AIG1: variants seen among roughly 807,000 people sequenced by gnomAD.
AIG1 encodes the protein androgen induced 1, also known as androgen-induced gene 1 protein.
In AIG1, 23 loss-of-function variants were observed where a neutral mutation model predicts 31.4. The observed-to-expected ratio is 0.73, with a 90% CI of 0.53 to 1.04. The LOEUF (loss-of-function observed/expected upper bound fraction) is 1.04, where lower values mean the gene tolerates loss of function less well. AIG1 is among the 50% of genes least tolerant of loss of function. The pLI, the probability that AIG1 is intolerant of heterozygous loss-of-function variation, is 0.00. For missense variants in AIG1, 274 were observed against 295.0 expected, an observed-to-expected ratio of 0.93 and a Z score of 0.52; for synonymous variants, 100 against 110.5, an observed-to-expected ratio of 0.90 and a Z score of 0.60.
intron 1 of AIG1, among the ~76,000 whole-genome samples, chr6:143,087,592 G>A (rs958749009): frequency 2.6e-5 from 4 of 152,192 alleles, no homozygotes; most frequent in East Asian, 3.9e-4. Context: ...GGTGGACAGC[G>A]AGCGAAAGCT....
At chr6:143,118,417 C>T (rs920875980) in intron 1 of AIG1, among the ~76,000 whole-genome samples, 8 of 151,436 alleles carry the variant, frequency 5.3e-5, no homozygotes, top group Non-Finnish European at 1.0e-4. Context: ...TGAGATCGTG[C>T]CACTGCACTC....
chr6:143,156,030 G>A (rs1785711803), intron 2 of AIG1, among the ~76,000 whole-genome samples: 1 of 152,190 alleles, frequency 6.6e-6, no homozygotes, highest in Admixed American at 6.5e-5. Context: ...GGGGTGAAGG[G>A]AGTGGTACTG....
intron 1 of AIG1, among the ~76,000 whole-genome samples, chr6:143,083,910 T>C (rs1406901592): frequency 3.3e-5 from 5 of 152,178 alleles, no homozygotes; most frequent in African/African-American, 1.2e-4. Flanking sequence ...GCCCCTGCTT[T>C]TGCTAGAATG....
At position 143,280,514 on chromosome 6, in the gene AIG1, C is replaced by T. The variant is rs368568551; in HGVS notation, c.400-3596C>T. 1.6e-4 allele frequency among the ~76,000 whole-genome samples: 24 copies of T among 152,278 alleles called. 1 individual carries two copies. The highest frequency in any genetic ancestry group is 5.8e-4 in the African/African-American group (24 of 41,562). On this transcript the variant is annotated intron_variant, in intron 3 of 5. Coordinates refer to ENST00000357847, the MANE Select transcript of AIG1 (RefSeq NM_016108.4). The surrounding 1 kb of genome is among the most constrained non-coding windows in gnomAD (Gnocchi z 4.1). ...AGATTGGATAAGGAAAATGTGGTACCTGTACACCACAGAATACTATGCAGC... is the reference window on the plus strand; with the variant it reads ...AGATTGGATAAGGAAAATGTGGTACTTGTACACCACAGAATACTATGCAGC...
chr6:143,251,253 T>C (rs1314047212), intron 3 of AIG1, among the ~76,000 whole-genome samples: 6 of 152,144 alleles, frequency 3.9e-5, no homozygotes, highest in Non-Finnish European at 8.8e-5. Flanking sequence ...GGTTTCTCCA[T>C]GTTGGCCAGG....
intron 3 of AIG1, among the ~76,000 whole-genome samples, chr6:143,212,402 G>A (rs1467964479): frequency 6.6e-6 from 1 of 152,152 alleles, no homozygotes; most frequent in African/African-American, 2.4e-5. Flanking sequence ...GGATGGGAAG[G>A]AGCACACAAT....
chr6:143,300,511 T>C (rs1410996323), intron 4 of AIG1, among the ~76,000 whole-genome samples: 1 of 152,150 alleles, frequency 6.6e-6, no homozygotes, highest in African/African-American at 2.4e-5. Context: ...AATCTAGCAT[T>C]AGAGATAACC....
chr6:143,100,996 A>G (rs377612622), intron 1 of AIG1, among the ~76,000 whole-genome samples: 4 of 152,288 alleles, frequency 2.6e-5, no homozygotes, highest in South Asian at 4.1e-4. Context: ...ATTCTCTTAT[A>G]TAATTAATTT....
intron 3 of AIG1, among the ~76,000 whole-genome samples, chr6:143,204,527 A>T (rs1386970570): frequency 6.6e-6 from 1 of 152,144 alleles, no homozygotes; most frequent in African/African-American, 2.4e-5. Flanking sequence ...ACCAGGCTTC[A>T]TAAGCCCTAG....
intron 1 of AIG1, among the ~76,000 whole-genome samples, chr6:143,098,946 G>A (rs1287830472): frequency 6.6e-6 from 1 of 152,144 alleles, no homozygotes; most frequent in Non-Finnish European, 1.5e-5. Context: ...ATTACATGAT[G>A]AAAATGAACA....
intron 1 of AIG1, among the ~76,000 whole-genome samples, chr6:143,132,004 T>A (rs971421576): frequency 6.6e-5 from 10 of 152,360 alleles, no homozygotes; most frequent in Middle Eastern, 3.4e-3. Flanking sequence ...ACTAATATTA[T>A]ACAACTTTAT....
At chr6:143,143,879 A>G (rs13216732) in intron 2 of AIG1, among the ~76,000 whole-genome samples, 28,007 of 152,006 alleles carry the variant, frequency 0.18, 3,928 homozygotes, top group East Asian at 0.77. Flanking sequence ...TGTTTTCCCA[A>G]TACCAGGAGA....
chr6:143,276,409 G>C (rs1207900543), intron 3 of AIG1, among the ~76,000 whole-genome samples: 2 of 152,034 alleles, frequency 1.3e-5, no homozygotes, highest in Non-Finnish European at 2.9e-5. Flanking sequence ...TTTCACCTTG[G>C]GTCACTGTTT....
Position 143,300,287 on chromosome 6 carries a change from A to C in AIG1, c.515+16062A>C, listed in dbSNP as rs895974859. ...TGGAGTAATTAATGTTTGTCAAAAC[A>C]TACTTGTTTGTATTTCTGGACAAGT... On this transcript the variant is annotated intron_variant, in intron 4 of 5. Transcript: ENST00000357847. Among the ~76,000 whole-genome samples the C allele has an allele frequency of 4.6e-5, 7 of 152,226 alleles. No individual in the cohort carries two copies. The East Asian group carries it at 1.3e-3, about 29-fold the overall frequency.
intron 1 of AIG1, among the ~76,000 whole-genome samples, chr6:143,091,983 TAATAA>T: frequency 6.6e-6 from 1 of 152,286 alleles, no homozygotes; most frequent in African/African-American, 2.4e-5. Context: ...TTAGTAATAT[TAATAA>T]AATAATATTT....
chr6:143,333,537 CT>C lies in AIG1; in HGVS notation c.679+96del. On this transcript the variant is annotated intron_variant, in intron 5 of 5. Transcript: ENST00000357847. This position sits in a 1 kb window ranked among gnomAD's most constrained non-coding sequence, Gnocchi z 4.6. The stretch of plus-strand genomic sequence containing the variant: ...AGGGAAAATTCCACTGTAGCCTCTT[CT>C]TTTAGCCTTCACACAGGATCTCCTA... 1.5e-6 allele frequency: 2 copies of C among 1,332,730 alleles called. No individual in the cohort carries two copies. The highest frequency in any genetic ancestry group is 1.4e-5 in the South Asian group (1 of 70,560). 82.6% of individuals were successfully genotyped at this position (1,332,730 alleles called of 1,614,324 possible). A position where few individuals can be genotyped will look rare whatever the true frequency, so the allele number is the denominator to read the frequency against.
In AIG1 at chr6:143,328,893, A is replaced by G. The variant is rs1249245141; in HGVS notation, c.516-4389A>G. On this transcript the variant is annotated intron_variant, in intron 4 of 5. Transcript: ENST00000357847. The surrounding 1 kb of genome is among the most constrained non-coding windows in gnomAD (Gnocchi z 4.0). ...TAAAATTAAAATTGGTACCATGACCATAAGCATATGTTATTTGATCACTAA... is the reference window on the plus strand; with the variant it reads ...TAAAATTAAAATTGGTACCATGACCGTAAGCATATGTTATTTGATCACTAA... 2.0e-5 allele frequency among the ~76,000 whole-genome samples: 3 copies of G among 152,210 alleles called. No homozygotes were observed. Among genetic ancestry groups the G allele is most frequent in the Non-Finnish European group, 2.9e-5 (2 of 68,020 alleles).
intron 1 of AIG1, among the ~76,000 whole-genome samples, chr6:143,104,134 A>G (rs180968111): frequency 3.3e-5 from 5 of 152,342 alleles, no homozygotes; most frequent in Admixed American, 1.3e-4. Context: ...GGTTTCTGAG[A>G]AAGTCCCCTT....
At chr6:143,139,889 A>C (rs1178238962) in intron 2 of AIG1, among the ~76,000 whole-genome samples, 1 of 152,230 alleles carries the variant, frequency 6.6e-6, no homozygotes. Flanking sequence ...GTTCATTCCC[A>C]AATCCCATTA....
Sources: allele counts gnomAD v4.1 joint callset (sites outside exome capture counted in the v4.1 genomes callset), GRCh38; gene constraint gnomAD v4.1.1; non-coding constraint Gnocchi (gnomAD v3.1); transcripts MANE v1.5; gene names NCBI Gene and HGNC (gene_info 2026-07-23, HGNC 2026-07-21).